The following ANKAR variants were observed in gnomAD, a reference collection of about 807,000 sequenced individuals.
The protein encoded by ANKAR is ankyrin and armadillo repeat containing.
Under a neutral mutation model 146.2 loss-of-function variants are expected in ANKAR, and 136 were observed. The observed-to-expected ratio is 0.93, with a 90% CI of 0.81 to 1.07. ANKAR has a LOEUF of 1.07. ANKAR is among the 50% of genes least tolerant of loss of function. ANKAR has a pLI of 0.00. For synonymous variants in ANKAR, 500 were observed against 575.8 expected (o/e 0.87, Z 1.88); for missense variants, 1,567 against 1,679.9 (o/e 0.93, Z 1.18).
chr2:189,752,705 G>A (rs367948883), intron 18 of ANKAR: 14 of 1,613,698 alleles, frequency 8.7e-6, no homozygotes, highest in East Asian at 2.2e-5. Flanking sequence ...AAGCCAGCAC[G>A]TAGTCTTTCA....
chr2:189,712,223 G>C (rs2039798539), intron 10 of ANKAR, among the ~76,000 whole-genome samples: 1 of 152,226 alleles, frequency 6.6e-6, no homozygotes, highest in Non-Finnish European at 1.5e-5. Flanking sequence ...GTCCCTGTCT[G>C]ACAGCTCTGA....
chr2:189,702,422 A>C (rs1008050912), intron 7 of ANKAR, among the ~76,000 whole-genome samples: 4 of 152,124 alleles, frequency 2.6e-5, no homozygotes, highest in African/African-American at 9.7e-5. Context: ...AGCAATTGTG[A>C]ATTAATGTTA....
intron 12 of ANKAR, among the ~76,000 whole-genome samples, chr2:189,722,988 CTT>C (rs2041480671): frequency 6.6e-6 from 1 of 151,936 alleles, no homozygotes; most frequent in African/African-American, 2.4e-5. Context: ...AGGAAGATAA[CTT>C]AATTTTGAAA....
At position 189,757,615 on chromosome 2, in the gene ANKAR, T is replaced by G. The variant is rs913580178; in HGVS notation, c.*585-3483T>G. Reference sequence around the variant, plus strand: ...GAGGCACAAAAAACTGTGCACAGTATCAAATGTAGTAAATGGTTGAACCAG... The same window carrying G: ...GAGGCACAAAAAACTGTGCACAGTAGCAAATGTAGTAAATGGTTGAACCAG... On this transcript the variant is annotated intron_variant and NMD_transcript_variant, in intron 18 of 18. Transcript: ENST00000441800. 4.6e-5 allele frequency among the ~76,000 whole-genome samples: 7 copies of G among 152,316 alleles called. No homozygotes were observed. The East Asian group carries it at 1.2e-3, about 25-fold the overall frequency.
chr2:189,719,796 G>A lies in ANKAR; in HGVS notation c.2449G>A (p.Asp817Asn), dbSNP rs757834321. 1.9e-6 allele frequency: 3 copies of A among 1,574,356 alleles called. No individual in the cohort carries two copies. Among genetic ancestry groups the A allele is most frequent in the Non-Finnish European group, 2.6e-6 (3 of 1,149,878 alleles). The change falls in exon 11 of 23, where the codon GAT (aspartate) becomes AAT (asparagine). Residue 817 changes from aspartate to asparagine, a missense_variant. By Grantham distance (23) the Asp-to-Asn change is conservative. Transcript: ENST00000684021. ...TGATATTGCTCAATGTGAAAACAAG[G>A]ATGTTATTGCCAAATATGTAAGTTC... ...LYDIAQCENK[D>N]VIAKYNGIPS...
intron 17 of ANKAR, among the ~76,000 whole-genome samples, chr2:189,736,317 C>T (rs2042828084): frequency 6.6e-6 from 1 of 152,188 alleles, no homozygotes; most frequent in African/African-American, 2.4e-5. Flanking sequence ...TCACTTCGCT[C>T]TATCTGACCT....
At chr2:189,750,858 A>T (rs983158894), downstream of ANKAR, among the ~76,000 whole-genome samples, 1 of 152,206 alleles carries the variant, frequency 6.6e-6, no homozygotes, top group Non-Finnish European at 1.5e-5. Flanking sequence ...AAGAAATCTA[A>T]ATTTTGAGAT....
intron 15 of ANKAR, among the ~76,000 whole-genome samples, chr2:189,729,525 C>T (rs1033377478): frequency 6.6e-6 from 1 of 151,988 alleles, no homozygotes; most frequent in Admixed American, 6.6e-5. Context: ...GATAATCAGC[C>T]AGAGAAGATG....
In ANKAR at chr2:189,727,870, G is replaced by C. The variant is rs1276837938; in HGVS notation, c.2650G>C (p.Val884Leu). The change falls in exon 13 of 23, where the codon GTA (valine) becomes CTA (leucine). Residue 884 changes from valine (V) to leucine (L), a missense_variant. Transcript: ENST00000684021. Reference protein sequence around the residue: ...LSSDSDVLKAVSSAAIAEVGR... With the variant: ...LSSDSDVLKALSSAAIAEVGR... ...TTCATTTGAAGATGTGTTGAAGGCT[G>C]TATCTTCTGCTGCAATTGCTGAGGT... 6.2e-7 allele frequency: 1 copy of C among 1,613,844 alleles called. No homozygotes were observed. Among genetic ancestry groups the C allele is most frequent in the Non-Finnish European group, 8.5e-7 (1 of 1,179,830 alleles).
At chr2:189,762,610 A>C (rs2047280858), downstream of ANKAR, 2 of 985,418 alleles carry the variant, frequency 2.0e-6, no homozygotes, top group East Asian at 2.3e-4. Flanking sequence ...TAAGGCGGCG[A>C]CGGGCGCAAA....
intron 2 of ANKAR, among the ~76,000 whole-genome samples, chr2:189,683,375 G>A (rs1419163433): frequency 6.6e-6 from 1 of 152,224 alleles, no homozygotes; most frequent in Non-Finnish European, 1.5e-5. Context: ...ATGGCTGGAT[G>A]GGTTCCATCA....
chr2:189,754,584 TG>T (rs2106004672), intron 18 of ANKAR: 1 of 465,720 alleles, frequency 2.1e-6, no homozygotes, highest in East Asian at 3.6e-5. Context: ...GCTCTTCTAT[TG>T]GTTGGAAAAT....
intron 18 of ANKAR, among the ~76,000 whole-genome samples, chr2:189,752,441 C>G (rs2045415221): frequency 6.6e-6 from 1 of 152,224 alleles, no homozygotes; most frequent in African/African-American, 2.4e-5. Context: ...GTTTCTAACT[C>G]ACCTAAACTT....
chr2:189,695,933 T>C (rs1242304957), intron 6 of ANKAR, among the ~76,000 whole-genome samples: 1 of 152,028 alleles, frequency 6.6e-6, no homozygotes, highest in Admixed American at 6.5e-5. Flanking sequence ...TAATAAAAAA[T>C]TCCCCAAAAT....
downstream of ANKAR, chr2:189,761,287 A>C: frequency 1.1e-6 from 1 of 896,762 alleles, no homozygotes; most frequent in South Asian, 2.1e-5. Context: ...GAGGTTTTCT[A>C]TAGCAGTTAT....
intron 2 of ANKAR, among the ~76,000 whole-genome samples, chr2:189,688,339 C>T (rs1164276672): frequency 1.3e-5 from 2 of 152,178 alleles, no homozygotes; most frequent in South Asian, 2.1e-4. Context: ...TATGCCAGTA[C>T]GATGCAGTTT....
In ANKAR at chr2:189,705,305, G is replaced by T. The variant is rs1300061005; in HGVS notation, c.1910+81G>T. The stretch of plus-strand genomic sequence containing the variant: ...AAAAAAGAAGAAAGAAAATTAAATA[G>T]AATATAAATTTCTGCTTTTCATGGC... On this transcript the variant is annotated intron_variant, in intron 8 of 22. Coordinates refer to ENST00000684021, the MANE Select transcript of ANKAR (RefSeq NM_001378068.1). 12 of 1,417,340 alleles carry T rather than the reference G, an allele frequency of 8.5e-6. No homozygotes were observed. The East Asian group carries it at 1.7e-4, about 20-fold the overall frequency. 87.8% of individuals were successfully genotyped at this position (1,417,340 alleles called of 1,614,324 possible). A position where few individuals can be genotyped will look rare whatever the true frequency, so the allele number is the denominator to read the frequency against.
At chr2:189,731,227 G>C (rs2042364084) in intron 16 of ANKAR, among the ~76,000 whole-genome samples, 1 of 151,972 alleles carries the variant, frequency 6.6e-6, no homozygotes, top group African/African-American at 2.4e-5. Context: ...TAGAAATTCA[G>C]GACATCTATA....
intron 12 of ANKAR, among the ~76,000 whole-genome samples, chr2:189,726,670 G>C (rs780300936): frequency 6.6e-6 from 1 of 152,110 alleles, no homozygotes; most frequent in Non-Finnish European, 1.5e-5. Context: ...TCTGGATCCT[G>C]TACTGGAAGA....
Sources: gnomAD v4.1 joint callset for allele counts (sites outside exome capture counted in the v4.1 genomes callset) on GRCh38, gnomAD v4.1.1 for gene constraint, MANE v1.5 for transcripts, NCBI Gene and HGNC (gene_info 2026-07-23, HGNC 2026-07-21) for gene names.